MYO3A: variants seen among roughly 807,000 people sequenced by gnomAD.
The protein encoded by MYO3A is myosin IIIA, also known as myosin-IIIa.
MYO3A carries 180 observed loss-of-function variants against 192.7 expected under a neutral mutation model. The observed-to-expected ratio is 0.93, with a 90% confidence interval of 0.83 to 1.06. The LOEUF is 1.06. Ranked by LOEUF, MYO3A falls within the 50% of genes least tolerant of loss-of-function variation. MYO3A has a pLI of 0.00. For missense variants in MYO3A, 1,896 were observed against 1,905.0 expected (o/e 1.00, Z 0.09); for synonymous variants, 628 against 645.3 (o/e 0.97, Z 0.41).
chr10:26,181,668 GA>G (rs1842623541), intron 31 of MYO3A, among the ~76,000 whole-genome samples: 1 of 149,466 alleles, frequency 6.7e-6, no homozygotes, highest in Non-Finnish European at 1.5e-5. Flanking sequence ...TTGCAAGTAT[GA>G]AAAAATATTT....
chr10:25,948,883 T>C (rs138402240), intron 2 of MYO3A, among the ~76,000 whole-genome samples: 41 of 152,196 alleles, frequency 2.7e-4, no homozygotes, highest in African/African-American at 9.4e-4. Context: ...AAAATGCCTC[T>C]TTTTTGTCAT....
chr10:26,006,327 A>G (rs930247255), intron 6 of MYO3A, among the ~76,000 whole-genome samples: 1 of 152,184 alleles, frequency 6.6e-6, no homozygotes, highest in Admixed American at 6.5e-5. Context: ...AGAACTAGAA[A>G]AGCAAGAGCC....
rs932529938 is a variant in MYO3A, at chr10:26,179,312, A to G, written c.4438+2467A>G. On this transcript the variant is annotated intron_variant, in intron 31 of 34. Transcript: ENST00000642920. The stretch of plus-strand genomic sequence containing the variant: ...GAGACTGGGTTTTACCATGTTGGCC[A>G]GGCTGACCTCAAACTCCTGACGTTA... Among the ~76,000 whole-genome samples, 4 of 151,122 alleles carry G rather than the reference A, an allele frequency of 2.6e-5. No individual in the cohort carries two copies. The East Asian group carries it at 5.8e-4, about 22-fold the overall frequency.
chr10:26,044,033 G>T (rs72793973), intron 10 of MYO3A, among the ~76,000 whole-genome samples: 24,718 of 152,056 alleles, frequency 0.16, 2,294 homozygotes, highest in Non-Finnish European at 0.21. Flanking sequence ...GCAGGTGATG[G>T]GTCGTGCCAG....
intron 20 of MYO3A, among the ~76,000 whole-genome samples, chr10:26,141,404 C>T (rs926974039): frequency 1.3e-4 from 20 of 152,016 alleles, no homozygotes; most frequent in African/African-American, 2.4e-5. Flanking sequence ...TGAGTAATAG[C>T]GTTTTTTTCT....
intron 4 of MYO3A, among the ~76,000 whole-genome samples, chr10:25,968,009 T>C (rs987392607): frequency 6.7e-6 from 1 of 149,666 alleles, no homozygotes; most frequent in Non-Finnish European, 1.5e-5. Context: ...GTGTAGGGGG[T>C]GGAGGATATC....
chr10:26,052,255 G>A (rs1055999075), intron 10 of MYO3A, among the ~76,000 whole-genome samples: 10 of 151,994 alleles, frequency 6.6e-5, no homozygotes, highest in African/African-American at 2.2e-4. Context: ...TTCCAACATT[G>A]CTACAAATTT....
At position 26,024,057 on chromosome 10, in the gene MYO3A, G is replaced by A. The variant is rs1842434643; in HGVS notation, c.767G>A (p.Trp256Ter). The change falls in exon 9 of 35, where the codon TGG becomes TAG. Residue 256 changes from tryptophan to a stop codon, truncating the protein, a stop_gained. Transcript: ENST00000642920. LOFTEE classifies it high-confidence loss of function. ...CCAAAACTAAGGCAGCCTGAGCTAT[G>A]GTCAGCAGAATTCAATGACTTCATA... ...PPPKLRQPEL[W>*]SAEFNDFISK... 6.2e-7 allele frequency: 1 copy of A among 1,612,984 alleles called. No homozygotes were observed. Among genetic ancestry groups the A allele is most frequent in the East Asian group, 2.2e-5 (1 of 44,850 alleles).
At chr10:26,025,838 C>T (rs373675141) in intron 9 of MYO3A, among the ~76,000 whole-genome samples, 1 of 152,198 alleles carries the variant, frequency 6.6e-6, no homozygotes, top group African/African-American at 2.4e-5. Context: ...TGCTGTATGA[C>T]CTCAAAAAAT....
At chr10:25,974,188 C>T (rs556078995) in intron 4 of MYO3A, among the ~76,000 whole-genome samples, 5 of 152,254 alleles carry the variant, frequency 3.3e-5, no homozygotes, top group South Asian at 2.1e-4. Flanking sequence ...TTGCAATCTA[C>T]GCATCCAACA....
At chr10:25,973,871 G>GACA (rs1838811676) in intron 4 of MYO3A, among the ~76,000 whole-genome samples, 1 of 152,138 alleles carries the variant, frequency 6.6e-6, no homozygotes, top group Admixed American at 6.5e-5. Context: ...ATGGTGCTGG[G>GACA]ACAACTGGCT....
At chr10:25,949,686 C>A (rs749226736) in intron 2 of MYO3A, among the ~76,000 whole-genome samples, 3 of 151,958 alleles carry the variant, frequency 2.0e-5, no homozygotes, top group Non-Finnish European at 2.9e-5. Flanking sequence ...CGATAATGTG[C>A]CCGTAAGTAT....
At chr10:26,003,238 TATGAG>T (rs1036639309) in intron 6 of MYO3A, among the ~76,000 whole-genome samples, 1 of 152,216 alleles carries the variant, frequency 6.6e-6, no homozygotes, top group African/African-American at 2.4e-5. Flanking sequence ...TTACCATTAT[TATGAG>T]ATAATATTCC....
intron 34 of MYO3A, among the ~76,000 whole-genome samples, chr10:26,208,988 A>G (rs760300195): frequency 3.9e-5 from 6 of 152,194 alleles, no homozygotes; most frequent in Non-Finnish European, 7.3e-5. Context: ...TTACTTTGCA[A>G]TATTACATTT....
At chr10:26,172,956 GA>G (rs1564619161) in intron 29 of MYO3A, among the ~76,000 whole-genome samples, 1 of 152,028 alleles carries the variant, frequency 6.6e-6, no homozygotes, top group Non-Finnish European at 1.5e-5. Flanking sequence ...GTAGCAACGA[GA>G]GGTGTTAGCA....
rs904223720 is a variant in MYO3A, at chr10:26,173,803, A to C, written c.3539A>C (p.Glu1180Ala). ...KPEEETTNAV[E>A]SNNRVYQTPK... is the part of the protein sequence containing the mutation. The stretch of plus-strand genomic sequence containing the variant: ...GAAGAGGAAACCACCAATGCTGTGG[A>C]GAGTAACAACAGAGTGTATCAGACT... Residue 1180 changes from glutamate (E) to alanine (A), a missense_variant, in exon 30 of 35, where the codon GAG (glutamate) becomes GCG (alanine). Transcript: ENST00000642920. 1.2e-6 allele frequency: 2 copies of C among 1,614,172 alleles called. No homozygotes were observed.
At chr10:26,188,333 G>A (rs1842961616) in intron 31 of MYO3A, among the ~76,000 whole-genome samples, 1 of 152,032 alleles carries the variant, frequency 6.6e-6, no homozygotes, top group Admixed American at 6.5e-5. Flanking sequence ...ACTTTTTGAT[G>A]GGGTTGTTTG....
chr10:25,952,483 A>G (rs1372644102), intron 3 of MYO3A, among the ~76,000 whole-genome samples: 1 of 152,166 alleles, frequency 6.6e-6, no homozygotes, highest in Non-Finnish European at 1.5e-5. Flanking sequence ...TAAGTACTTG[A>G]TGAATAAATG....
intron 17 of MYO3A, among the ~76,000 whole-genome samples, chr10:26,102,167 T>G (rs1393433617): frequency 6.6e-6 from 1 of 152,222 alleles, no homozygotes; most frequent in African/African-American, 2.4e-5. Flanking sequence ...TCACTGATAC[T>G]CTTTCTTCCA....
Sources: allele counts gnomAD v4.1 joint callset (sites outside exome capture counted in the v4.1 genomes callset), GRCh38; gene constraint gnomAD v4.1.1; transcripts MANE v1.5; gene names NCBI Gene and HGNC (gene_info 2026-07-23, HGNC 2026-07-21).